Variants in L1CAM observed in about 807,000 individuals in gnomAD.
The protein encoded by L1CAM is L1 cell adhesion molecule.
Under a neutral mutation model 93.0 loss-of-function variants are expected in L1CAM, and 8 were observed. The ratio of observed to expected loss-of-function variants is 0.09; its 90% CI spans 0.05 to 0.16. The LOEUF (loss-of-function observed/expected upper bound fraction) is 0.16. L1CAM is among the 10% of genes least tolerant of loss of function. L1CAM has a pLI of 1.00. For missense variants in L1CAM, 777 were observed against 1,073.4 expected (o/e 0.72, Z 3.86); for synonymous variants, 453 against 453.0 (o/e 1.00, Z 0.00).
At chrX:153,866,063 C>T (rs2064709711) in intron 19 of L1CAM, 1 of 389,082 alleles carries the variant, frequency 2.6e-6, no homozygotes, top group East Asian at 4.3e-5. Context: ...ACCCGTATTC[C>T]CAACACTTTG....
intron 24 of L1CAM, 30 bp from the exon 25 acceptor site, chrX:153,864,507 T>C: frequency 8.3e-7 from 1 of 1,207,406 alleles, no homozygotes; most frequent in Non-Finnish European, 1.1e-6. Context: ...GCAGCAGGGG[T>C]GAGTCGGAGT....
chrX:153,862,521 A>G lies in L1CAM; in HGVS notation c.*142T>C. On this transcript the variant is annotated 3_prime_UTR_variant, in exon 29 of 29. Transcript: ENST00000370060. Reference sequence around the variant, plus strand: ...AGGGGTGCAGCTGGGTTTTGGCAATAAAGTGGGGACCGGGTGGTAGGAAGG... The same window carrying G: ...AGGGGTGCAGCTGGGTTTTGGCAATGAAGTGGGGACCGGGTGGTAGGAAGG... 2.1e-6 allele frequency: 1 copy of G among 478,291 alleles called. No individual in the cohort carries two copies. Among genetic ancestry groups the G allele is most frequent in the South Asian group, 3.7e-5 (1 of 26,676 alleles). The allele number at this position is 478,291 out of a possible 1,213,427, so 39.4% of individuals were successfully genotyped here.
In L1CAM at chrX:153,868,796, G is replaced by C. The variant is rs782094127; in HGVS notation, c.1379+45C>G. Reference sequence around the variant, plus strand: ...GCTCCCTGCCCTCCCTGGCTCCCTGGCCACTGGGACACGACACTCACCACT... The same window carrying C: ...GCTCCCTGCCCTCCCTGGCTCCCTGCCCACTGGGACACGACACTCACCACT... On this transcript the variant is annotated intron_variant, in intron 12 of 28. Coordinates refer to ENST00000370060, the MANE Select transcript of L1CAM (RefSeq NM_001278116.2). 5.8e-6 allele frequency: 7 copies of C among 1,202,050 alleles called. No individual in the cohort carries two copies. In the South Asian group the frequency reaches 1.2e-4, roughly 21 times the overall value.
intron 19 of L1CAM, among the ~76,000 whole-genome samples, chrX:153,866,444 A>C (rs934458201): frequency 1.8e-5 from 2 of 112,362 alleles, no homozygotes; most frequent in East Asian, 2.8e-4. Context: ...GAAATGAAAG[A>C]AGCAGCATTG....
At chrX:153,884,356 G>T (rs782620468) in intron 1 of L1CAM, 39 of 706,626 alleles carry the variant, frequency 5.5e-5, no homozygotes, top group Non-Finnish European at 6.9e-5. Context: ...TCAGCAGGGA[G>T]CTGGCAGCTG....
At chrX:153,870,622 G>C in intron 7 of L1CAM, 123 bp from the exon 8 acceptor site, 1 of 774,215 alleles carries the variant, frequency 1.3e-6, no homozygotes, top group Admixed American at 2.6e-5. Flanking sequence ...ATTAAGGAGA[G>C]TGTCCTGTCT....
At chrX:153,865,247 G>A (rs782652891) in intron 21 of L1CAM, 37 bp from the exon 22 acceptor site, 7 of 1,207,712 alleles carry the variant, frequency 5.8e-6, no homozygotes, top group East Asian at 5.9e-5. Flanking sequence ...GTAGGTCCTC[G>A]CCCAGGTCTG....
At chrX:153,871,675 G>T (rs1557093167) in intron 5 of L1CAM, among the ~76,000 whole-genome samples, 2 of 111,337 alleles carry the variant, frequency 1.8e-5, no homozygotes, top group Non-Finnish European at 3.8e-5. Flanking sequence ...CCAGGGAAAA[G>T]GCGACACAGA....
chrX:153,867,856 T>G lies in L1CAM; in HGVS notation c.1883A>C (p.Gln628Pro). 1 of 1,210,673 alleles carries G rather than the reference T, an allele frequency of 8.3e-7. No homozygotes were observed. Among genetic ancestry groups the G allele is most frequent in the South Asian group, 1.8e-5 (1 of 56,966 alleles). The change falls in exon 16 of 29, where the codon CAG becomes CCG. Residue 628 changes from glutamine to proline, a missense_variant. Around this residue, in one of 5 missense-constraint regions of L1CAM, gnomAD observed 574 missense variants for 781.0 expected, o/e 0.73. Coordinates refer to ENST00000370060, the MANE Select transcript of L1CAM (RefSeq NM_001278116.2). ...LVLSDLHLLT[Q>P]SQVRVSWSPA... is the part of the protein sequence containing the mutation. Reference sequence around the variant, plus strand: ...ACTCCAGGACACGCGCACCTGGCTCTGCGTCAGCAGGTGCAGGTCGGACAG... The same window carrying G: ...ACTCCAGGACACGCGCACCTGGCTCGGCGTCAGCAGGTGCAGGTCGGACAG...
Position 153,868,861 on chromosome X carries a change from C to T in L1CAM, c.1359G>A (p.Ala453=), listed in dbSNP as rs782569322. The T allele has an allele frequency of 6.6e-6, 8 of 1,208,988 alleles. No individual in the cohort carries two copies. The highest frequency in any genetic ancestry group is 3.0e-5 in the East Asian group (1 of 33,794). ...CTCACCACTGAACACTGGGCACAGG[C>T]GCTCCGAAGGCCTTGCACAGAAGGT... ...TAYLLCKAFG[A]PVPSVQWLDE... is the part of the protein sequence containing the mutation. The change falls in exon 12 of 29, where the codon GCG becomes GCA. Residue 453 remains alanine (A), a synonymous_variant. Transcript: ENST00000370060.
chrX:153,873,093 G>T, intron 3 of L1CAM, 135 bp downstream of exon 3: 1 of 632,153 alleles, frequency 1.6e-6, no homozygotes, highest in Non-Finnish European at 2.7e-6. Context: ...ACACAGGTGA[G>T]AGAAGCACAT....
At position 153,873,212 on chromosome X, in the gene L1CAM, C is replaced by A. The variant is rs781917330; in HGVS notation, c.91+16G>T. 11 of 1,207,666 alleles carry A rather than the reference C, an allele frequency of 9.1e-6. No homozygotes were observed. The highest frequency in any genetic ancestry group is 7.0e-5 in the South Asian group (4 of 56,775). On this transcript the variant is annotated intron_variant, in intron 3 of 28. Coordinates refer to ENST00000370060, the MANE Select transcript of L1CAM (RefSeq NM_001278116.2). The stretch of plus-strand genomic sequence containing the variant: ...CTTGGCCTTCTGGGAAACACTCTCA[C>A]CCCTCCCCAACTTACCATGGTGTCC...
chrX:153,873,120 C>G, intron 3 of L1CAM, 108 bp downstream of exon 3: 3 of 776,774 alleles, frequency 3.9e-6, no homozygotes. Context: ...CAGGGAGAGC[C>G]GAGCAGGGCC....
In L1CAM at chrX:153,864,682, G is replaced by A. The variant is rs782552353; in HGVS notation, c.3069C>T (p.Ile1023=). Residue 1023 remains isoleucine, a synonymous_variant, in exon 24 of 29, where the codon ATC becomes ATT. Coordinates refer to ENST00000370060, the MANE Select transcript of L1CAM (RefSeq NM_001278116.2). Reference sequence around the variant, plus strand: ...TGTAGTTTTCACCCGCTGTGGCTGAGATGTTGCCAAAATCTGAGATCCCTG... The same window carrying A: ...TGTAGTTTTCACCCGCTGTGGCTGAAATGTTGCCAAAATCTGAGATCCCTG... ...ALSGISDFGN[I]SATAGENYSV... 17 of 1,212,262 alleles carry A rather than the reference G, an allele frequency of 1.4e-5. No individual in the cohort carries two copies. Among genetic ancestry groups the A allele is most frequent in the Non-Finnish European group, 1.9e-5 (17 of 895,529 alleles).
intron 19 of L1CAM, 86 bp downstream of exon 19, chrX:153,866,563 C>G: frequency 1.5e-6 from 1 of 658,448 alleles, no homozygotes; most frequent in Non-Finnish European, 2.4e-6. Context: ...AGGAAAGGCG[C>G]ACACCAATGC....
At position 153,862,553 on chromosome X, in the gene L1CAM, G is replaced by A. The variant is rs782687725; in HGVS notation, c.*110C>T. On this transcript the variant is annotated 3_prime_UTR_variant, in exon 29 of 29. Coordinates refer to ENST00000370060, the MANE Select transcript of L1CAM (RefSeq NM_001278116.2). ...GGACCGGGTGGTAGGAAGGGGATCC[G>A]AGGCAGCAAGTTCTCCTCTGCCCCA... 8.1e-5 allele frequency: 48 copies of A among 596,027 alleles called. No homozygotes were observed. In the South Asian group the frequency reaches 1.2e-3, roughly 15 times the overall value. 49.1% of individuals were successfully genotyped at this position (596,027 alleles called of 1,213,427 possible). A position where few individuals can be genotyped will look rare whatever the true frequency, so the allele number is the denominator to read the frequency against.
rs188826391 is a variant in L1CAM at position 153,867,309 on chromosome X, C to T, written c.2137+47G>A. The T allele has an allele frequency of 8.5e-5, 95 of 1,118,546 alleles. No homozygotes were observed. The East Asian group carries it at 2.1e-3, about 25-fold the overall frequency. 92.2% of individuals were successfully genotyped at this position (1,118,546 alleles called of 1,213,427 possible). Reference sequence around the variant, plus strand: ...CTCTCTAAGCCCTCCCTTCACAGCCCGGAGCCCCTTCCAGGTGGCATGGGA... The same window carrying T: ...CTCTCTAAGCCCTCCCTTCACAGCCTGGAGCCCCTTCCAGGTGGCATGGGA... On this transcript the variant is annotated intron_variant, in intron 17 of 28. Transcript: ENST00000370060.
rs782384760 is a variant in L1CAM, at chrX:153,872,283, G to A, written c.269C>T (p.Pro90Leu). 3.3e-6 allele frequency: 4 copies of A among 1,208,040 alleles called. No individual in the cohort carries two copies. In the South Asian group the frequency reaches 7.1e-5, roughly 21 times the overall value. Reference sequence around the variant, plus strand: ...CGTGATGGTGAAGGAGCCAGAGTGGGGCGACTGGTACACGGTCACACCCAG... The same window carrying A: ...CGTGATGGTGAAGGAGCCAGAGTGGAGCGACTGGTACACGGTCACACCCAG... ...EELGVTVYQS[P>L]HSGSFTITGN... The change falls in exon 5 of 29, where the codon CCC becomes CTC. Residue 90 changes from proline to leucine, a missense_variant. Transcript: ENST00000370060.
chrX:153,877,976 G>T (rs1444235010), intron 1 of L1CAM, among the ~76,000 whole-genome samples: 2 of 112,431 alleles, frequency 1.8e-5, no homozygotes, highest in African/African-American at 3.2e-5. Flanking sequence ...GGGAGCCAAA[G>T]ACTAAGGGTC....
Sources: gnomAD v4.1 joint callset for allele counts (sites outside exome capture counted in the v4.1 genomes callset) on GRCh38, gnomAD v4.1.1 for gene constraint, gnomAD v4.1.1 regional missense constraint, MANE v1.5 for transcripts, NCBI Gene and HGNC (gene_info 2026-07-23, HGNC 2026-07-21) for gene names.